Variants in CTNNA3 observed in about 807,000 individuals in gnomAD.
CTNNA3 encodes catenin alpha 3.
Under a neutral mutation model 95.7 loss-of-function variants are expected in CTNNA3, and 76 were observed. That is an observed-to-expected ratio of 0.79 (90% CI 0.66 to 0.96). CTNNA3 has a LOEUF of 0.96. CTNNA3 is among the 40% of genes least tolerant of loss of function. CTNNA3 has a pLI of 0.00. For missense variants in CTNNA3, 1,191 were observed against 1,089.8 expected, an observed-to-expected ratio of 1.09 and a Z score of -1.31; for synonymous variants, 431 against 374.4, an observed-to-expected ratio of 1.15 and a Z score of -1.74.
intron 1 of CTNNA3, among the ~76,000 whole-genome samples, chr10:67,671,342 A>T (rs117069233): frequency 0.042 from 6,326 of 152,094 alleles, 179 homozygotes; most frequent in South Asian, 0.1. Context: ...GACATCCGTT[A>T]TTAACTTCTT....
intron 5 of CTNNA3, among the ~76,000 whole-genome samples, chr10:67,310,683 A>C (rs1564555909): frequency 6.6e-6 from 1 of 152,196 alleles, no homozygotes; most frequent in Non-Finnish European, 1.5e-5. Flanking sequence ...ACATGGTGAC[A>C]GGAGAGAGAA....
chr10:66,785,145 GGAGTTATA>G (rs1334110171), intron 7 of CTNNA3, among the ~76,000 whole-genome samples: 5 of 152,222 alleles, frequency 3.3e-5, no homozygotes, highest in African/African-American at 1.2e-4. Context: ...AAAGCTACAA[GGAGTTATA>G]GAAACATCTG....
intron 13 of CTNNA3, among the ~76,000 whole-genome samples, chr10:66,196,997 G>GATCGAAAC (rs71474027): frequency 0.12 from 18,746 of 152,102 alleles, 1,294 homozygotes; most frequent in African/African-American, 0.19. Flanking sequence ...CATATCCAGT[G>GATCGAAAC]ATCATGAGGA....
intron 1 of CTNNA3, among the ~76,000 whole-genome samples, chr10:67,738,802 C>T (rs1841317794): frequency 6.6e-6 from 1 of 151,946 alleles, no homozygotes; most frequent in South Asian, 2.1e-4. Flanking sequence ...AATGCACAAG[C>T]CTCGGAAGCC....
chr10:67,289,284 G>C (rs746399350), intron 5 of CTNNA3, among the ~76,000 whole-genome samples: 20 of 152,128 alleles, frequency 1.3e-4, no homozygotes, highest in Non-Finnish European at 2.6e-4. Flanking sequence ...AAAGAGAAGA[G>C]AGAGGAGAGA....
rs192273105 is a variant in CTNNA3, at chr10:67,741,614, C to T, written c.-2+21820G>A. On this transcript the variant is annotated intron_variant, in intron 1 of 17. Transcript: ENST00000684154. ...CTGCGTCAACTAATGAGCAAAATAA[C>T]CAGCTAACATCATAATGATAGGATC... Among the ~76,000 whole-genome samples, 980 of 151,200 alleles carry T rather than the reference C, an allele frequency of 6.5e-3. 21 individuals carry two copies. Among genetic ancestry groups the T allele is most frequent in the African/African-American group, 0.023 (941 of 41,346 alleles).
intron 15 of CTNNA3, among the ~76,000 whole-genome samples, chr10:66,041,102 A>G (rs116262717): frequency 0.012 from 1,830 of 152,314 alleles, 32 homozygotes; most frequent in African/African-American, 0.042. Context: ...ACTCCCTGAT[A>G]TATAGGCTGA....
At chr10:66,845,709 A>AAAAAAAAAC in intron 7 of CTNNA3, among the ~76,000 whole-genome samples, 1 of 88,180 alleles carries the variant, frequency 1.1e-5, no homozygotes, top group African/African-American at 5.3e-5. Context: ...GTCTCAAAAA[A>AAAAAAAAAC]AAAAAAAAAA....
chr10:67,016,023 G>T (rs899858506), intron 7 of CTNNA3, among the ~76,000 whole-genome samples: 2 of 133,652 alleles, frequency 1.5e-5, no homozygotes, highest in African/African-American at 5.0e-5. Flanking sequence ...TTTTATTGCT[G>T]TATACTCTCT....
chr10:67,476,275 C>A (rs1848007215), intron 5 of CTNNA3, among the ~76,000 whole-genome samples: 1 of 152,128 alleles, frequency 6.6e-6, no homozygotes, highest in Non-Finnish European at 1.5e-5. Flanking sequence ...GGCAGATCTC[C>A]AGGCACTAAA....
intron 12 of CTNNA3, among the ~76,000 whole-genome samples, chr10:66,303,142 A>G (rs2091886967): frequency 6.6e-6 from 1 of 152,214 alleles, no homozygotes; most frequent in Non-Finnish European, 1.5e-5. Context: ...AAAATAGGAT[A>G]ATAGCAACAA....
intron 7 of CTNNA3, among the ~76,000 whole-genome samples, chr10:66,919,261 A>T (rs1846667011): frequency 6.6e-6 from 1 of 152,090 alleles, no homozygotes; most frequent in East Asian, 1.9e-4. Context: ...GCAAAATAGT[A>T]ATAATTTTTG....
chr10:65,982,109 G>T (rs769981452), intron 16 of CTNNA3, among the ~76,000 whole-genome samples: 2 of 151,056 alleles, frequency 1.3e-5, no homozygotes, highest in Non-Finnish European at 3.0e-5. Flanking sequence ...TCTGACAAAA[G>T]ACTCATATTC....
intron 7 of CTNNA3, among the ~76,000 whole-genome samples, chr10:66,828,538 T>C (rs1432102881): frequency 1.3e-5 from 2 of 152,202 alleles, no homozygotes; most frequent in South Asian, 2.1e-4. Flanking sequence ...AGTATGTTGC[T>C]TGCCACGTGG....
At chr10:66,360,666 C>T (rs200273514) in intron 12 of CTNNA3, among the ~76,000 whole-genome samples, 6,422 of 33,748 alleles carry the variant, frequency 0.19, 726 homozygotes, top group East Asian at 0.28. Flanking sequence ...TTTCTTCCTT[C>T]CTTCCTTCCT....
chr10:66,251,076 C>A (rs2090532336), intron 13 of CTNNA3, among the ~76,000 whole-genome samples: 1 of 152,096 alleles, frequency 6.6e-6, no homozygotes, highest in Non-Finnish European at 1.5e-5. Flanking sequence ...GCTTGCAGAA[C>A]CACATGGAAC....
chr10:67,264,739 A>C (rs917511842), intron 5 of CTNNA3, among the ~76,000 whole-genome samples: 1 of 152,128 alleles, frequency 6.6e-6, no homozygotes, highest in African/African-American at 2.4e-5. Context: ...GAAATGTTAG[A>C]GATAGAGGTT....
chr10:67,336,427 A>G (rs931884565), intron 5 of CTNNA3, among the ~76,000 whole-genome samples: 2 of 152,216 alleles, frequency 1.3e-5, no homozygotes, highest in Non-Finnish European at 2.9e-5. Flanking sequence ...AGGTTGGTTT[A>G]TAAGATTTAG....
chr10:67,595,977 T>C (rs1416071814), intron 3 of CTNNA3, among the ~76,000 whole-genome samples: 1 of 152,218 alleles, frequency 6.6e-6, no homozygotes, highest in Non-Finnish European at 1.5e-5. Flanking sequence ...TCCATTTGCT[T>C]GGTAAATCTT....
Sources: gnomAD v4.1 joint callset for allele counts (sites outside exome capture counted in the v4.1 genomes callset) on GRCh38, gnomAD v4.1.1 for gene constraint, MANE v1.5 for transcripts, NCBI Gene and HGNC (gene_info 2026-07-23, HGNC 2026-07-21) for gene names.